MEF2A: variants seen among roughly 807,000 people sequenced by gnomAD.
MEF2A encodes myocyte-specific enhancer factor 2A.
A neutral mutation model predicts 55.8 loss-of-function variants in MEF2A; 28 were observed. The observed-to-expected ratio is 0.50, with a 90% CI of 0.37 to 0.69. The LOEUF (loss-of-function observed/expected upper bound fraction) is 0.69, where lower values mean the gene tolerates loss of function less well. Ranked by LOEUF, MEF2A falls within the 30% of genes least tolerant of loss-of-function variation. The probability of loss-of-function intolerance (pLI) is 0.00; values close to 1 mark genes in which losing one functional copy is unlikely to be tolerated. For missense variants in MEF2A, 528 were observed against 626.2 expected (o/e 0.84, Z 1.67); for synonymous variants, 239 against 227.1 (o/e 1.05, Z -0.47).
intron 3 of MEF2A, among the ~76,000 whole-genome samples, chr15:99,641,369 T>C (rs1479823558): frequency 4.6e-5 from 7 of 152,254 alleles, no homozygotes; most frequent in African/African-American, 1.7e-4. Context: ...GTAGCAGGCA[T>C]TGAGTGTTCC....
intron 2 of MEF2A, among the ~76,000 whole-genome samples, chr15:99,619,942 A>G (rs2040852640): frequency 6.6e-6 from 1 of 152,326 alleles, no homozygotes; most frequent in South Asian, 2.1e-4. Context: ...AAATTGCACA[A>G]GATAGTAAAG....
intron 3 of MEF2A, among the ~76,000 whole-genome samples, 156 bp downstream of exon 3, chr15:99,633,329 C>A (rs1285235827): frequency 2.0e-5 from 3 of 152,048 alleles, no homozygotes; most frequent in South Asian, 2.1e-4. Flanking sequence ...AAAATTGTAT[C>A]TTTTCATCAT....
At chr15:99,628,988 A>G (rs1405000618) in intron 2 of MEF2A, among the ~76,000 whole-genome samples, 1 of 123,768 alleles carries the variant, frequency 8.1e-6, no homozygotes, top group Non-Finnish European at 1.7e-5. Context: ...TTTGTCAGAT[A>G]CAAAATTTTG....
At chr15:99,628,691 A>G (rs1320179590) in intron 2 of MEF2A, among the ~76,000 whole-genome samples, 4 of 152,108 alleles carry the variant, frequency 2.6e-5, no homozygotes, top group African/African-American at 7.2e-5. Context: ...TCATTTTGCT[A>G]TCCTCCCCTA....
chr15:99,612,454 A>G (rs938533299), intron 2 of MEF2A, among the ~76,000 whole-genome samples: 4 of 152,148 alleles, frequency 2.6e-5, no homozygotes, highest in Admixed American at 1.3e-4. Context: ...CACTTTTAAA[A>G]GGTGAGTTTT....
chr15:99,582,234 G>A (rs964114298), intron 1 of MEF2A, among the ~76,000 whole-genome samples: 1 of 152,198 alleles, frequency 6.6e-6, no homozygotes, highest in African/African-American at 2.4e-5. Flanking sequence ...TAATGCTGAA[G>A]ATACTTTTTT....
At chr15:99,567,616 T>A (rs1300617165) in intron 1 of MEF2A, among the ~76,000 whole-genome samples, 1 of 148,776 alleles carries the variant, frequency 6.7e-6, no homozygotes, top group Non-Finnish European at 1.5e-5. Flanking sequence ...CCTTTATGGC[T>A]TTTGTATGTA....
At chr15:99,611,520 A>C (rs893438218) in intron 2 of MEF2A, among the ~76,000 whole-genome samples, 2 of 152,200 alleles carry the variant, frequency 1.3e-5, no homozygotes, top group Non-Finnish European at 2.9e-5. Flanking sequence ...AAAGACAGAA[A>C]ATAAGTGTTG....
At chr15:99,680,374 A>G (rs893073122) in intron 7 of MEF2A, among the ~76,000 whole-genome samples, 3 of 152,214 alleles carry the variant, frequency 2.0e-5, no homozygotes, top group Non-Finnish European at 4.4e-5. Context: ...CTTACTTACT[A>G]ATTCCCAACT....
intron 7 of MEF2A, among the ~76,000 whole-genome samples, chr15:99,680,172 C>T (rs2052960253): frequency 6.6e-6 from 1 of 152,150 alleles, no homozygotes; most frequent in African/African-American, 2.4e-5. Context: ...ACGTGTTGCT[C>T]ATTCTCCAGA....
intron 4 of MEF2A, among the ~76,000 whole-genome samples, chr15:99,667,968 G>C (rs1310437885): frequency 6.6e-6 from 1 of 151,896 alleles, no homozygotes; most frequent in Non-Finnish European, 1.5e-5. Flanking sequence ...AACTAGCGTT[G>C]AAAGGTAAAT....
intron 4 of MEF2A, among the ~76,000 whole-genome samples, chr15:99,656,994 A>C (rs2047843244): frequency 6.6e-6 from 1 of 152,038 alleles, no homozygotes; most frequent in Non-Finnish European, 1.5e-5. Context: ...GGCAACCACT[A>C]ATGTACTTTC....
intron 2 of MEF2A, among the ~76,000 whole-genome samples, chr15:99,614,379 G>T (rs910584060): frequency 8.5e-5 from 13 of 152,050 alleles, no homozygotes; most frequent in African/African-American, 3.1e-4. Flanking sequence ...GTGAGTCACC[G>T]CGCCAAGCCC....
chr15:99,599,357 A>G (rs1304777117), intron 2 of MEF2A, among the ~76,000 whole-genome samples: 2 of 152,162 alleles, frequency 1.3e-5, no homozygotes, highest in African/African-American at 2.4e-5. Flanking sequence ...GCTGATGATT[A>G]TGTCAGTAAA....
intron 10 of MEF2A, among the ~76,000 whole-genome samples, chr15:99,707,937 T>C (rs2153816157): frequency 7.1e-6 from 1 of 141,040 alleles, no homozygotes; most frequent in Admixed American, 7.2e-5. Context: ...AAGGTTTTAT[T>C]GAAAAAAAAA....
chr15:99,672,910 T>C (rs1263425461), intron 5 of MEF2A, among the ~76,000 whole-genome samples: 5 of 152,216 alleles, frequency 3.3e-5, no homozygotes, highest in Non-Finnish European at 5.9e-5. Flanking sequence ...ACCCATGTCA[T>C]AGGTCTTGGC....
chr15:99,591,317 T>C (rs1283038312), intron 1 of MEF2A, among the ~76,000 whole-genome samples: 1 of 151,570 alleles, frequency 6.6e-6, no homozygotes, highest in South Asian at 2.1e-4. Context: ...GCTTACAGAG[T>C]TTTTTTTTGT....
Position 99,597,356 on chromosome 15 carries a change from G to A in MEF2A, c.-224-1074G>A, listed in dbSNP as rs372015185. The stretch of plus-strand genomic sequence containing the variant: ...GTGAAATAGACTCCAGTCTCCCATA[G>A]CGCTCCCAGGCTCATTAGGAAGAGG... On this transcript the variant is annotated intron_variant, in intron 1 of 11. Transcript: ENST00000557942. 3.9e-5 allele frequency among the ~76,000 whole-genome samples: 6 copies of A among 152,238 alleles called. No homozygotes were observed. In the East Asian group the frequency reaches 1.2e-3, roughly 29 times the overall value.
intron 4 of MEF2A, among the ~76,000 whole-genome samples, chr15:99,667,373 A>G (rs555823784): frequency 1.4e-3 from 216 of 152,238 alleles, no homozygotes; most frequent in Non-Finnish European, 2.6e-3. Context: ...GGTGCCCGCC[A>G]CCACGCCCAG....
Sources: allele counts gnomAD v4.1 joint callset (sites outside exome capture counted in the v4.1 genomes callset), GRCh38; gene constraint gnomAD v4.1.1; transcripts MANE v1.5; gene names NCBI Gene and HGNC (gene_info 2026-07-23, HGNC 2026-07-21).